RPTOR: variants seen among roughly 807,000 people sequenced by gnomAD.
RPTOR encodes the protein regulatory associated protein of MTOR complex 1.
Under a neutral mutation model 169.9 loss-of-function variants are expected in RPTOR, and 21 were observed. The observed-to-expected ratio is 0.12, with a 90% CI of 0.09 to 0.18. The LOEUF (loss-of-function observed/expected upper bound fraction) is 0.18, where lower values mean the gene tolerates loss of function less well. Among genes scored for constraint, RPTOR ranks in the 10% least tolerant of loss-of-function variants. RPTOR has a pLI of 1.00. For synonymous variants in RPTOR, 732 were observed against 753.2 expected, an observed-to-expected ratio of 0.97 and a Z score of 0.46; for missense variants, 1,133 against 1,855.9, an observed-to-expected ratio of 0.61 and a Z score of 7.16.
chr17:80,628,065 C>T (rs1339821481), intron 2 of RPTOR, among the ~76,000 whole-genome samples: 2 of 151,974 alleles, frequency 1.3e-5, no homozygotes, highest in African/African-American at 4.8e-5. Flanking sequence ...CTCGAACTCC[C>T]GACCTCAGGT....
intron 1 of RPTOR, among the ~76,000 whole-genome samples, chr17:80,621,447 GA>G (rs1599608377): frequency 1.3e-5 from 2 of 152,354 alleles, no homozygotes; most frequent in East Asian, 3.9e-4. Flanking sequence ...GAGGTGTTGG[GA>G]ATGCCGTATC....
At chr17:80,601,428 G>C (rs551320988) in intron 1 of RPTOR, among the ~76,000 whole-genome samples, 38 of 152,366 alleles carry the variant, frequency 2.5e-4, no homozygotes, top group Non-Finnish European at 1.5e-5. Context: ...CGCAGGTTCC[G>C]TGCCAGGGAT....
At chr17:80,905,683 T>A (rs1204742715) in intron 20 of RPTOR, among the ~76,000 whole-genome samples, 1 of 152,064 alleles carries the variant, frequency 6.6e-6, no homozygotes, top group Non-Finnish European at 1.5e-5. Flanking sequence ...CCAGGGTCCT[T>A]ACCTGGAGTG....
At chr17:80,812,758 T>A (rs1291140925) in intron 7 of RPTOR, among the ~76,000 whole-genome samples, 2 of 152,212 alleles carry the variant, frequency 1.3e-5, no homozygotes, top group African/African-American at 4.8e-5. Flanking sequence ...GTTCTCCAGG[T>A]GAGAATGGTC....
At chr17:80,783,327 TGTGGAACA>T (rs1460573888) in intron 6 of RPTOR, among the ~76,000 whole-genome samples, 3 of 152,260 alleles carry the variant, frequency 2.0e-5, no homozygotes, top group Non-Finnish European at 4.4e-5. Flanking sequence ...TCAACCATTC[TGTGGAACA>T]GTTGAGAGGA....
rs1363362163 is a variant in RPTOR, at chr17:80,845,893, T to C, written c.1213-580T>C. On this transcript the variant is annotated intron_variant, in intron 10 of 33. Coordinates refer to ENST00000306801, the MANE Select transcript of RPTOR (RefSeq NM_020761.3). This position sits in a 1 kb window ranked among gnomAD's most constrained non-coding sequence, Gnocchi z 5.4. Reference sequence around the variant, plus strand: ...CCGGTGCTGGTTTGTGGCTCTGCCCTGGACGTTGCTCCCTGGCGTCCAGAC... The same window carrying C: ...CCGGTGCTGGTTTGTGGCTCTGCCCCGGACGTTGCTCCCTGGCGTCCAGAC... Among the ~76,000 whole-genome samples, 1 of 152,194 alleles carries C rather than the reference T, an allele frequency of 6.6e-6. No homozygotes were observed. Among genetic ancestry groups the C allele is most frequent in the East Asian group, 1.9e-4 (1 of 5,178 alleles).
intron 21 of RPTOR, among the ~76,000 whole-genome samples, chr17:80,911,740 G>C (rs1255375517): frequency 1.3e-5 from 2 of 152,182 alleles, no homozygotes; most frequent in South Asian, 4.2e-4. Context: ...AGCTATGATT[G>C]TGCCACTGCA....
chr17:80,925,714 C>T (rs1412078111), intron 24 of RPTOR, among the ~76,000 whole-genome samples: 3 of 152,184 alleles, frequency 2.0e-5, no homozygotes, highest in Non-Finnish European at 4.4e-5. Flanking sequence ...ACAGGTGTCA[C>T]TTTGCCTTAA....
In RPTOR at chr17:80,687,782, A is replaced by G. The variant is rs149484549; in HGVS notation, c.349-20059A>G. ...TTCCCTGAGATGGAGGCGTAGCTTC[A>G]CCGTGTAGTGTTTAAGCTTTAAAAC... On this transcript the variant is annotated intron_variant, in intron 3 of 33. Coordinates refer to ENST00000306801, the MANE Select transcript of RPTOR (RefSeq NM_020761.3). Among the ~76,000 whole-genome samples, 593 of 152,318 alleles carry G rather than the reference A, an allele frequency of 3.9e-3. 1 individual carries two copies. The highest frequency in any genetic ancestry group is 0.01 in the Middle Eastern group (3 of 294).
At chr17:80,911,142 G>T (rs1055621689) in intron 21 of RPTOR, among the ~76,000 whole-genome samples, 4 of 152,162 alleles carry the variant, frequency 2.6e-5, no homozygotes, top group African/African-American at 9.6e-5. Flanking sequence ...GTTCTTTATG[G>T]TATCACCGGT....
chr17:80,678,501 T>C (rs1332985629), intron 3 of RPTOR, among the ~76,000 whole-genome samples: 2 of 152,214 alleles, frequency 1.3e-5, no homozygotes, highest in Admixed American at 1.3e-4. Flanking sequence ...TATACTATTG[T>C]TATGTAAGAC....
At chr17:80,742,653 A>G (rs1423689676) in intron 5 of RPTOR, among the ~76,000 whole-genome samples, 1 of 147,668 alleles carries the variant, frequency 6.8e-6, no homozygotes, top group Non-Finnish European at 1.5e-5. Context: ...CCACACATAT[A>G]AACACATGCA....
chr17:80,783,341 G>A (rs1461942821), intron 6 of RPTOR, among the ~76,000 whole-genome samples: 1 of 152,176 alleles, frequency 6.6e-6, no homozygotes, highest in African/African-American at 2.4e-5. Context: ...GAACAGTTGA[G>A]AGGATGATAA....
chr17:80,943,483 C>G, intron 25 of RPTOR, among the ~76,000 whole-genome samples: 1 of 152,164 alleles, frequency 6.6e-6, no homozygotes, highest in East Asian at 1.9e-4. Flanking sequence ...TGGTGCACTT[C>G]CCGCCTCGCA....
At chr17:80,809,308 T>C (rs775767341) in intron 7 of RPTOR, among the ~76,000 whole-genome samples, 1 of 152,170 alleles carries the variant, frequency 6.6e-6, no homozygotes, top group Non-Finnish European at 1.5e-5. Flanking sequence ...TCTCGTGCCT[T>C]AGCCTGTTGA....
chr17:80,850,843 C>T (rs1250271836), intron 11 of RPTOR, among the ~76,000 whole-genome samples: 1 of 152,240 alleles, frequency 6.6e-6, no homozygotes, highest in Non-Finnish European at 1.5e-5. Context: ...ACCTGGCACT[C>T]CAGGGCTGGA....
chr17:80,643,708 C>T lies in RPTOR; in HGVS notation c.266-20C>T, dbSNP rs2065570978. 1 of 1,603,600 alleles carries T rather than the reference C, an allele frequency of 6.2e-7. No individual in the cohort carries two copies. ...GAAATGCAGACGTAAAGAACTTTCT[C>T]TTTTCCATTGCTTCCTCAGATCCTC... On this transcript the variant is annotated intron_variant, in intron 2 of 33. Coordinates refer to ENST00000306801, the MANE Select transcript of RPTOR (RefSeq NM_020761.3).
At chr17:80,789,815 T>A (rs1476167091) in intron 6 of RPTOR, among the ~76,000 whole-genome samples, 4 of 152,178 alleles carry the variant, frequency 2.6e-5, no homozygotes, top group African/African-American at 7.2e-5. Flanking sequence ...CCTGCATTTG[T>A]TTGTTGTTCA....
intron 20 of RPTOR, among the ~76,000 whole-genome samples, chr17:80,903,080 TA>T (rs2068496640): frequency 6.6e-6 from 1 of 152,150 alleles, no homozygotes; most frequent in Non-Finnish European, 1.5e-5. Context: ...GAAAATGAGT[TA>T]CCATAGAAAT....
Sources: gnomAD v4.1 joint callset for allele counts (sites outside exome capture counted in the v4.1 genomes callset) on GRCh38, gnomAD v4.1.1 for gene constraint, Gnocchi (gnomAD v3.1) non-coding constraint, MANE v1.5 for transcripts, NCBI Gene and HGNC (gene_info 2026-07-23, HGNC 2026-07-21) for gene names.